STOX1: variants seen among roughly 807,000 people sequenced by gnomAD.
STOX1 encodes storkhead box 1, also known as storkhead-box protein 1.
In STOX1, 57 loss-of-function variants were observed where a neutral mutation model predicts 74.8. The ratio of observed to expected loss-of-function variants is 0.76; its 90% CI spans 0.62 to 0.95. STOX1 has a LOEUF of 0.95. STOX1 is among the 40% of genes least tolerant of loss of function. The probability of loss-of-function intolerance (pLI) is 0.00; values close to 1 mark genes in which losing one functional copy is unlikely to be tolerated. For synonymous variants in STOX1, 375 were observed against 401.3 expected, an observed-to-expected ratio of 0.93 and a Z score of 0.78; for missense variants, 1,010 against 1,117.0, an observed-to-expected ratio of 0.90 and a Z score of 1.37.
intron 1 of STOX1, among the ~76,000 whole-genome samples, chr10:68,848,282 C>T (rs1190045874): frequency 6.6e-6 from 1 of 152,204 alleles, no homozygotes; most frequent in Non-Finnish European, 1.5e-5. Flanking sequence ...GCTAATGGAT[C>T]ATAACTGGAA....
Position 68,859,906 on chromosome 10 carries a change from A to G in STOX1, c.311-22052A>G, listed in dbSNP as rs190693235. 4.0e-5 allele frequency among the ~76,000 whole-genome samples: 6 copies of G among 151,894 alleles called. No homozygotes were observed. The East Asian group carries it at 9.7e-4, about 25-fold the overall frequency. ...CATGGTCAGAAAATGAAAAACCATG[A>G]TCTTTTGACATCATGGTCAGAAAAT... On this transcript the variant is annotated intron_variant, in intron 1 of 3. Transcript: ENST00000298596.
At chr10:68,840,951 C>CT (rs763437615) in intron 1 of STOX1, among the ~76,000 whole-genome samples, 198 of 133,844 alleles carry the variant, frequency 1.5e-3, no homozygotes, top group Admixed American at 2.3e-3. Context: ...TTGCTTTTTG[C>CT]TTTTTTTTTT....
At chr10:68,891,869 G>A (rs1016664361) in intron 3 of STOX1, among the ~76,000 whole-genome samples, 1 of 151,802 alleles carries the variant, frequency 6.6e-6, no homozygotes, top group Non-Finnish European at 1.5e-5. Flanking sequence ...GCTGAGGCTG[G>A]AGTGTAGTGG....
intron 1 of STOX1, among the ~76,000 whole-genome samples, chr10:68,860,569 CAAAA>C (rs11353333): frequency 6.3e-5 from 4 of 63,610 alleles, no homozygotes; most frequent in African/African-American, 6.3e-5. Context: ...GACTCTGTCT[CAAAA>C]AAAAAAAAAA....
In STOX1 at chr10:68,827,549, C is replaced by T; in HGVS notation, c.-75C>T. 1 of 997,166 alleles carries T rather than the reference C, an allele frequency of 1.0e-6. No individual in the cohort carries two copies. The highest frequency in any genetic ancestry group is 1.2e-6 in the Non-Finnish European group (1 of 813,952). 61.8% of individuals were successfully genotyped at this position (997,166 alleles called of 1,614,324 possible). On this transcript the variant is annotated 5_prime_UTR_variant, in exon 1 of 4. Transcript: ENST00000298596. Reference sequence around the variant, plus strand: ...CCCGCGCGCAGTCGGCCGATCCTCCCGCCGAGCGAGCGGCGTCGTAGCCGC... The same window carrying T: ...CCCGCGCGCAGTCGGCCGATCCTCCTGCCGAGCGAGCGGCGTCGTAGCCGC...
Position 68,827,547 on chromosome 10 carries a change from C to T in STOX1, c.-77C>T, listed in dbSNP as rs1409738697. 4 of 988,318 alleles carry T rather than the reference C, an allele frequency of 4.0e-6. No homozygotes were observed. The highest frequency in any genetic ancestry group is 1.2e-4 in the East Asian group (2 of 16,116). 61.2% of individuals were successfully genotyped at this position (988,318 alleles called of 1,614,324 possible). On this transcript the variant is annotated 5_prime_UTR_variant, in exon 1 of 4. Transcript: ENST00000298596. ...GACCCGCGCGCAGTCGGCCGATCCT[C>T]CCGCCGAGCGAGCGGCGTCGTAGCC...
At chr10:68,861,500 C>T (rs1047892741) in intron 1 of STOX1, among the ~76,000 whole-genome samples, 12 of 152,144 alleles carry the variant, frequency 7.9e-5, no homozygotes, top group Admixed American at 7.2e-4. Flanking sequence ...ATGAGCATGT[C>T]ACAGTGCTGT....
chr10:68,857,029 C>T (rs1456747212), intron 1 of STOX1, among the ~76,000 whole-genome samples: 1 of 151,980 alleles, frequency 6.6e-6, no homozygotes, highest in African/African-American at 2.4e-5. Context: ...CAAGTAGGAC[C>T]CTATCATCTT....
At chr10:68,895,101 C>A (rs80169366), downstream of STOX1, 60 of 152,326 alleles carry the variant, frequency 3.9e-4, no homozygotes, top group African/African-American at 1.4e-3. Context: ...TTGTTTAGGG[C>A]ATTCAAGCAG....
rs542695987 is a variant in STOX1, at chr10:68,841,178, C to T, written c.310+13245C>T. 2.6e-5 allele frequency among the ~76,000 whole-genome samples: 4 copies of T among 151,152 alleles called. No individual in the cohort carries two copies. In the East Asian group the frequency reaches 7.9e-4, roughly 30 times the overall value. On this transcript the variant is annotated intron_variant, in intron 1 of 3. Transcript: ENST00000298596. Reference sequence around the variant, plus strand: ...GTCAGGCTGGTCTTGAACTCTTGACCTCGTGATCTGCCCGCCTTGGTCTCC... The same window carrying T: ...GTCAGGCTGGTCTTGAACTCTTGACTTCGTGATCTGCCCGCCTTGGTCTCC...
chr10:68,854,916 G>A (rs1371084550), intron 1 of STOX1, among the ~76,000 whole-genome samples: 1 of 151,948 alleles, frequency 6.6e-6, no homozygotes, highest in Non-Finnish European at 1.5e-5. Flanking sequence ...ACCAGCCTGG[G>A]CAACATAGCC....
chr10:68,881,715 G>A lies in STOX1; in HGVS notation c.311-243G>A, dbSNP rs532612163. 8.8e-4 allele frequency among the ~76,000 whole-genome samples: 134 copies of A among 151,884 alleles called. 1 individual carries two copies. Among genetic ancestry groups the A allele is most frequent in the African/African-American group, 3.2e-3 (131 of 41,252 alleles). On this transcript the variant is annotated intron_variant, in intron 1 of 3. Transcript: ENST00000298596. ...CTTTGAGCCTTTCTAATGGAATCTT[G>A]CCATCTCTTACTTGTAGAGACAGTT...
At position 68,838,742 on chromosome 10, in the gene STOX1, C is replaced by G. The variant is rs571270229; in HGVS notation, c.310+10809C>G. 5.9e-5 allele frequency among the ~76,000 whole-genome samples: 9 copies of G among 152,132 alleles called. 1 individual carries two copies. The South Asian group carries it at 1.9e-3, about 32-fold the overall frequency. On this transcript the variant is annotated intron_variant, in intron 1 of 3. Coordinates refer to ENST00000298596, the MANE Select transcript of STOX1 (RefSeq NM_152709.5). ...TGGCTAACATGGTGAAACCCCATCT[C>G]TACTAAAAATACAAAAAATTAGCCA...
rs555457977 is a variant in STOX1, at chr10:68,858,753, G to C, written c.311-23205G>C. 1.9e-4 allele frequency among the ~76,000 whole-genome samples: 29 copies of C among 151,310 alleles called. No individual in the cohort carries two copies. The South Asian group carries it at 6.1e-3, about 32-fold the overall frequency. On this transcript the variant is annotated intron_variant, in intron 1 of 3. Transcript: ENST00000298596. The stretch of plus-strand genomic sequence containing the variant: ...GGGGAAGCACCTGAGGGTGTAGATA[G>C]GCCTTCCTGGATTCTTGTGCAGGTC...
chr10:68,863,937 T>C (rs74940702), intron 1 of STOX1, among the ~76,000 whole-genome samples: 1 of 151,544 alleles, frequency 6.6e-6, no homozygotes, highest in Non-Finnish European at 1.5e-5. Context: ...TTTTTTTTTT[T>C]TCTCTGAGAC....
rs769215100 is a variant in STOX1 at position 68,882,048 on chromosome 10, A to G, written c.401A>G (p.Asn134Ser). Residue 134 changes from asparagine to serine, a missense_variant, in exon 2 of 4, where the codon AAT becomes AGT. By Grantham distance (46) the Asn-to-Ser change is conservative (BLOSUM62 1). Coordinates refer to ENST00000298596, the MANE Select transcript of STOX1 (RefSeq NM_152709.5). ...EVLCCAISDM[N>S]TAQIVVTQES... ...CTTTGCTGTGCTATATCTGATATGA[A>G]TACAGCTCAGATTGTAGTAACGCAG... The G allele has an allele frequency of 1.9e-6, 3 of 1,613,940 alleles. No homozygotes were observed. Among genetic ancestry groups the G allele is most frequent in the South Asian group, 2.2e-5 (2 of 91,086 alleles).
chr10:68,884,226 C>A, intron 2 of STOX1, 34 bp from the exon 3 acceptor site: 1 of 1,605,900 alleles, frequency 6.2e-7, no homozygotes, highest in South Asian at 1.1e-5. Flanking sequence ...TTTTCTTATT[C>A]AAAATCTATC....
At position 68,853,932 on chromosome 10, in the gene STOX1, G is replaced by C. The variant is rs543334657; in HGVS notation, c.310+25999G>C. Among the ~76,000 whole-genome samples the C allele has an allele frequency of 1.2e-4, 18 of 151,726 alleles. No homozygotes were observed. The East Asian group carries it at 3.1e-3, about 26-fold the overall frequency. Reference sequence around the variant, plus strand: ...ACTCCCGACCTCAGGTGATATGCCTGTCTTGGCCTCCCAAAGTGCTGGGAT... The same window carrying C: ...ACTCCCGACCTCAGGTGATATGCCTCTCTTGGCCTCCCAAAGTGCTGGGAT... On this transcript the variant is annotated intron_variant, in intron 1 of 3. Transcript: ENST00000298596.
At chr10:68,888,787 C>G (rs1841028719) in intron 3 of STOX1, among the ~76,000 whole-genome samples, 1 of 129,394 alleles carries the variant, frequency 7.7e-6, no homozygotes, top group East Asian at 2.3e-4. Context: ...AGGCATATGT[C>G]ACTATGCCCA....
Sources: gnomAD v4.1 joint callset for allele counts (sites outside exome capture counted in the v4.1 genomes callset) on GRCh38, gnomAD v4.1.1 for gene constraint, MANE v1.5 for transcripts, NCBI Gene and HGNC (gene_info 2026-07-23, HGNC 2026-07-21) for gene names.